The following DSG1 variants were observed in gnomAD, a reference collection of about 807,000 sequenced individuals.
DSG1 encodes desmoglein-1.
Under a neutral mutation model 97.5 loss-of-function variants are expected in DSG1, and 39 were observed. The observed-to-expected ratio is 0.40, with a 90% CI of 0.31 to 0.52. The LOEUF is 0.52. Among genes scored for constraint, DSG1 ranks in the 20% least tolerant of loss-of-function variants. DSG1 has a pLI of 0.53. For missense variants in DSG1, 1,311 were observed against 1,295.4 expected (o/e 1.01, Z -0.18); for synonymous variants, 475 against 443.4 (o/e 1.07, Z -0.90).
intron 11 of DSG1, among the ~76,000 whole-genome samples, chr18:31,341,382 G>C (rs1349170593): frequency 6.6e-6 from 1 of 152,126 alleles, no homozygotes; most frequent in Non-Finnish European, 1.5e-5. Context: ...CGTGAACAGT[G>C]GCAGATATGT....
At chr18:31,336,303 TG>T (rs755151550) in intron 8 of DSG1, 50 bp from the exon 9 acceptor site, 1 of 1,547,944 alleles carries the variant, frequency 6.5e-7, no homozygotes, top group East Asian at 2.3e-5. Flanking sequence ...TTCTTTCACC[TG>T]GAACGTTTTA....
At chr18:31,332,665 ATTTTG>A (rs1364150239) in intron 6 of DSG1, among the ~76,000 whole-genome samples, 10 of 152,104 alleles carry the variant, frequency 6.6e-5, no homozygotes, top group Admixed American at 4.6e-4. Flanking sequence ...TATTCAATTA[ATTTTG>A]TTTTAATTAT....
chr18:31,331,939 CAA>C, intron 6 of DSG1, 72 bp downstream of exon 6: 1 of 1,429,226 alleles, frequency 7.0e-7, no homozygotes, highest in South Asian at 1.2e-5. Flanking sequence ...ACTGAAGAGA[CAA>C]AGAGATGAAG....
At chr18:31,346,998 C>T (rs989267036) in intron 14 of DSG1, among the ~76,000 whole-genome samples, 1 of 152,096 alleles carries the variant, frequency 6.6e-6, no homozygotes, top group Non-Finnish European at 1.5e-5. Flanking sequence ...ACTTTGCCAT[C>T]CCCAGGAAGA....
chr18:31,335,536 G>A (rs2071746691), intron 8 of DSG1, among the ~76,000 whole-genome samples: 1 of 148,424 alleles, frequency 6.7e-6, no homozygotes, highest in Non-Finnish European at 1.5e-5. Context: ...TATTATGTGT[G>A]TGTAATGTAT....
chr18:31,326,268 T>C lies in DSG1; in HGVS notation c.49-313T>C, dbSNP rs1183400058. On this transcript the variant is annotated intron_variant, in intron 1 of 14. Transcript: ENST00000257192. ...AACTATAATTTTCTTATATCAGTTA[T>C]ACAAATAAAGTTTTCATACTTTGCA... 2.4e-4 allele frequency among the ~76,000 whole-genome samples: 37 copies of C among 152,154 alleles called. 1 individual carries two copies. Among genetic ancestry groups the C allele is most frequent in the Admixed American group, 2.4e-3 (37 of 15,290 alleles).
chr18:31,326,964 C>T lies in DSG1; in HGVS notation c.175C>T (p.Arg59Cys). The change falls in exon 3 of 15, where the codon CGT becomes TGT. Residue 59 changes from arginine to cysteine, a missense_variant. Physicochemically the swap from Arg to Cys is radical, Grantham distance 180 (BLOSUM62 -3). This residue lies in a region of DSG1 where 259 missense variants were observed against 304.1 expected (regional missense o/e 0.85). Coordinates refer to ENST00000257192, the MANE Select transcript of DSG1 (RefSeq NM_001942.4). The part of the protein sequence containing the change: ...REWIKFAAAC[R>C]EGEDNSKRNP... ...ATGGATCAAGTTCGCAGCAGCCTGT[C>T]GTGAAGGTGAAGACAACTCAAAGAG... is the stretch of plus-strand genomic sequence containing the variant. 1 of 1,613,872 alleles carries T rather than the reference C, an allele frequency of 6.2e-7. No homozygotes were observed. The highest frequency in any genetic ancestry group is 8.5e-7 in the Non-Finnish European group (1 of 1,179,874).
intron 5 of DSG1, among the ~76,000 whole-genome samples, chr18:31,331,430 T>C (rs1024219842): frequency 6.6e-6 from 1 of 152,016 alleles, no homozygotes; most frequent in Non-Finnish European, 1.5e-5. Flanking sequence ...GAAAATATGC[T>C]AGAAGAAGAA....
At chr18:31,331,888 G>A in intron 6 of DSG1, 21 bp downstream of exon 6, 1 of 1,608,094 alleles carries the variant, frequency 6.2e-7, no homozygotes, top group Non-Finnish European at 8.5e-7. Context: ...TTCTTTAAGT[G>A]GGTTTTTGGT....
intron 5 of DSG1, among the ~76,000 whole-genome samples, chr18:31,331,080 T>C (rs1270700598): frequency 6.6e-6 from 1 of 152,062 alleles, no homozygotes; most frequent in Non-Finnish European, 1.5e-5. Flanking sequence ...ACTTATAAAA[T>C]TAATGAAAAG....
Position 31,358,555 on chromosome 18 carries a change from T to G in DSG1, c.*3209T>G, listed in dbSNP as rs2071977662. Among the ~76,000 whole-genome samples, 1 of 152,080 alleles carries G rather than the reference T, an allele frequency of 6.6e-6. No homozygotes were observed. Among genetic ancestry groups the G allele is most frequent in the Non-Finnish European group, 1.5e-5 (1 of 67,936 alleles). ...ACTCTAGTAAGTAGATGTTTTTAGT[T>G]ATCTGGCAATTTATTTCTGAATTTA... On this transcript the variant is annotated 3_prime_UTR_variant, in exon 15 of 15. Transcript: ENST00000257192.
chr18:31,349,446 C>T (rs1026272562), intron 14 of DSG1, among the ~76,000 whole-genome samples: 4 of 151,268 alleles, frequency 2.6e-5, no homozygotes, highest in Non-Finnish European at 5.9e-5. Context: ...CGTGGCGATG[C>T]GGGCTCCTTT....
chr18:31,354,724 C>T lies in DSG1; in HGVS notation c.2528C>T (p.Thr843Ile). ...GTCACTGTGACCGAGTCTTACACCA[C>T]CTCTGACACTCTGAAGCCCTCTGTG... is the stretch of plus-strand genomic sequence containing the variant. ...GNVTVTESYT[T>I]SDTLKPSVHV... The change falls in exon 15 of 15, where the codon ACC becomes ATC. Residue 843 changes from threonine to isoleucine, a missense_variant. Around this residue, in one of 3 missense-constraint regions of DSG1, gnomAD observed 1,038 missense variants for 964.6 expected, o/e 1.08. Coordinates refer to ENST00000257192, the MANE Select transcript of DSG1 (RefSeq NM_001942.4). 1.2e-6 allele frequency: 2 copies of T among 1,614,194 alleles called. No individual in the cohort carries two copies. The highest frequency in any genetic ancestry group is 1.7e-6 in the Non-Finnish European group (2 of 1,180,038).
At chr18:31,320,863 A>G (rs1007456581) in intron 1 of DSG1, among the ~76,000 whole-genome samples, 2 of 152,134 alleles carry the variant, frequency 1.3e-5, no homozygotes, top group Non-Finnish European at 2.9e-5. Flanking sequence ...AGCCAGAGGG[A>G]TCTCTATGGT....
rs752169994 is a variant in DSG1, at chr18:31,356,594, A to T, written c.*1248A>T. 1.1e-4 allele frequency: 17 copies of T among 152,248 alleles called. No homozygotes were observed. Among genetic ancestry groups the T allele is most frequent in the Non-Finnish European group, 2.1e-4 (14 of 68,048 alleles). The allele number at this position is 152,248 out of a possible 1,614,324, so 9.4% of individuals were successfully genotyped here. Reference sequence around the variant, plus strand: ...CCTCTGCTGCCATTTTGCAGGAATCAACCAGGAACCTTTAGCAGAATTGAC... The same window carrying T: ...CCTCTGCTGCCATTTTGCAGGAATCTACCAGGAACCTTTAGCAGAATTGAC... On this transcript the variant is annotated 3_prime_UTR_variant, in exon 15 of 15. Coordinates refer to ENST00000257192, the MANE Select transcript of DSG1 (RefSeq NM_001942.4).
At chr18:31,352,589 C>T (rs572226493) in intron 14 of DSG1, among the ~76,000 whole-genome samples, 1,634 of 149,898 alleles carry the variant, frequency 0.011, 151 homozygotes, top group African/African-American at 0.04. Context: ...CCATTCTCCC[C>T]ATCACTTTTA....
Position 31,354,597 on chromosome 18 carries a change from C to T in DSG1, c.2401C>T (p.Pro801Ser). 1 of 1,614,178 alleles carries T rather than the reference C, an allele frequency of 6.2e-7. No individual in the cohort carries two copies. Among genetic ancestry groups the T allele is most frequent in the Non-Finnish European group, 8.5e-7 (1 of 1,180,034 alleles). ...TGTTAGTGGACACCCACCAATCTCCCCACATTTCGGCACTACCACAGTAAT... is the reference window on the plus strand; with the variant it reads ...TGTTAGTGGACACCCACCAATCTCCTCACATTTCGGCACTACCACAGTAAT... ...PVVSGHPPIS[P>S]HFGTTTVISE... Residue 801 changes from proline (P) to serine (S), a missense_variant, in exon 15 of 15, where the codon CCA becomes TCA. Pro to Ser is a moderately conservative substitution (Grantham distance 74). Coordinates refer to ENST00000257192, the MANE Select transcript of DSG1 (RefSeq NM_001942.4).
At chr18:31,353,273 A>G (rs1185242211) in intron 14 of DSG1, among the ~76,000 whole-genome samples, 1 of 151,240 alleles carries the variant, frequency 6.6e-6, no homozygotes, top group African/African-American at 2.4e-5. Flanking sequence ...CCTCCCAGTT[A>G]GGCTGCTCGG....
Position 31,336,344 on chromosome 18 carries a change from T to C in DSG1, c.1006-10T>C, listed in dbSNP as rs1568043084. 3 of 1,612,092 alleles carry C rather than the reference T, an allele frequency of 1.9e-6. No individual in the cohort carries two copies. The highest frequency in any genetic ancestry group is 2.7e-5 in the African/African-American group (2 of 75,004). On this transcript the variant is annotated splice_polypyrimidine_tract_variant and intron_variant, in intron 8 of 14. Coordinates refer to ENST00000257192, the MANE Select transcript of DSG1 (RefSeq NM_001942.4). ...CTTATAATGAAACTATTTTACTCTG[T>C]ATTTTCTAGCCCTTAGATTATGAAG...
Sources: gnomAD v4.1 joint callset for allele counts (sites outside exome capture counted in the v4.1 genomes callset) on GRCh38, gnomAD v4.1.1 for gene constraint, gnomAD v4.1.1 regional missense constraint, MANE v1.5 for transcripts, NCBI Gene and HGNC (gene_info 2026-07-23, HGNC 2026-07-21) for gene names.